The following SLC35F3 variants were observed in gnomAD, a reference collection of about 807,000 sequenced individuals.
SLC35F3 encodes solute carrier family 35 member F3, also known as putative thiamine transporter SLC35F3.
Under a neutral mutation model 49.9 loss-of-function variants are expected in SLC35F3, and 25 were observed. The ratio of observed to expected loss-of-function variants is 0.50; its 90% CI spans 0.37 to 0.70. The LOEUF is 0.70. Ranked by LOEUF, SLC35F3 falls within the 30% of genes least tolerant of loss-of-function variation. The probability of loss-of-function intolerance (pLI) is 0.00; values close to 1 mark genes in which losing one functional copy is unlikely to be tolerated. For missense variants in SLC35F3, 525 were observed against 639.8 expected, an observed-to-expected ratio of 0.82 and a Z score of 1.94; for synonymous variants, 275 against 265.4, an observed-to-expected ratio of 1.04 and a Z score of -0.35.
intron 2 of SLC35F3, among the ~76,000 whole-genome samples, chr1:234,014,267 A>G (rs1379446839): frequency 2.0e-5 from 3 of 152,210 alleles, no homozygotes; most frequent in Admixed American, 1.3e-4. Context: ...ATGCAGAGAA[A>G]GCATTTGACA....
chr1:233,993,025 C>A (rs4285771), intron 2 of SLC35F3, among the ~76,000 whole-genome samples: 2 of 151,990 alleles, frequency 1.3e-5, no homozygotes, highest in Non-Finnish European at 2.9e-5. Context: ...TTGAAATGCC[C>A]GTGCCTTGCC....
At chr1:233,938,697 GATGA>G (rs1220081663) in intron 2 of SLC35F3, among the ~76,000 whole-genome samples, 10 of 108,782 alleles carry the variant, frequency 9.2e-5, no homozygotes, top group South Asian at 9.1e-4. Flanking sequence ...TGGATGGATG[GATGA>G]ATGGATGGAT....
chr1:233,999,340 A>T (rs572459071), intron 2 of SLC35F3, among the ~76,000 whole-genome samples: 1 of 150,222 alleles, frequency 6.7e-6, no homozygotes, highest in South Asian at 2.1e-4. Context: ...CCTTGTGTCC[A>T]TTGTCTCTCC....
chr1:234,033,307 G>T (rs191882735), intron 2 of SLC35F3, among the ~76,000 whole-genome samples: 1 of 152,164 alleles, frequency 6.6e-6, no homozygotes, highest in South Asian at 2.1e-4. Context: ...TCTGTGGGTT[G>T]TCTGTTTCCT....
intron 3 of SLC35F3, among the ~76,000 whole-genome samples, chr1:234,270,291 G>T (rs1668077674): frequency 6.6e-6 from 1 of 152,146 alleles, no homozygotes. Flanking sequence ...GAGTCATTTT[G>T]CTTCTGCCAG....
At position 234,289,120 on chromosome 1, in the gene SLC35F3, A is replaced by G. The variant is rs368604470; in HGVS notation, c.609-19981A>G. On this transcript the variant is annotated intron_variant, in intron 3 of 7. Coordinates refer to ENST00000366618, the MANE Select transcript of SLC35F3 (RefSeq NM_173508.4). The stretch of plus-strand genomic sequence containing the variant: ...TTGAAAAGTGAATTAATTGATGTCC[A>G]ATGACGTCATGGCATTTGAGCTTCC... Among the ~76,000 whole-genome samples, 18 of 152,302 alleles carry G rather than the reference A, an allele frequency of 1.2e-4. 1 individual carries two copies. The highest frequency in any genetic ancestry group is 4.3e-4 in the African/African-American group (18 of 41,566).
chr1:234,077,591 T>C (rs1046703775), intron 2 of SLC35F3, among the ~76,000 whole-genome samples: 7 of 152,272 alleles, frequency 4.6e-5, no homozygotes, highest in African/African-American at 1.7e-4. Context: ...AGATAAGATT[T>C]GGGTGGGGAC....
At chr1:234,291,761 A>G (rs1016459286) in intron 3 of SLC35F3, among the ~76,000 whole-genome samples, 1 of 152,192 alleles carries the variant, frequency 6.6e-6, no homozygotes, top group African/African-American at 2.4e-5. Flanking sequence ...AGAAGCCACC[A>G]TAATTTGTAT....
rs1657589822 is a variant in SLC35F3 at position 234,320,417 on chromosome 1, GT to G, written c.1237+231del. ...TGTCTGCCAAAAAAAAAGCATTTAG[GT>G]GAAATGTTGCTATTAGTTATATATG... On this transcript the variant is annotated intron_variant, in intron 7 of 7. Transcript: ENST00000366618. The surrounding 1 kb of genome is among the most constrained non-coding windows in gnomAD (Gnocchi z 4.8). 6.6e-6 allele frequency among the ~76,000 whole-genome samples: 1 copy of G among 152,110 alleles called. No homozygotes were observed.
At chr1:233,965,377 T>G (rs1398261026) in intron 2 of SLC35F3, among the ~76,000 whole-genome samples, 2 of 152,230 alleles carry the variant, frequency 1.3e-5, no homozygotes, top group Admixed American at 1.3e-4. Flanking sequence ...CTTTGTCTAA[T>G]TCCTTCCCCT....
intron 2 of SLC35F3, among the ~76,000 whole-genome samples, chr1:234,055,629 C>T (rs539339404): frequency 2.0e-5 from 3 of 152,340 alleles, no homozygotes; most frequent in South Asian, 2.1e-4. Context: ...CCCTGCCCTA[C>T]TTCAGCTCAT....
intron 2 of SLC35F3, among the ~76,000 whole-genome samples, chr1:234,139,240 G>A (rs1665853212): frequency 6.6e-6 from 1 of 152,186 alleles, no homozygotes. Flanking sequence ...TTTATTATTA[G>A]ATGTAGTTGC....
At chr1:234,072,665 C>T (rs1312865033) in intron 2 of SLC35F3, among the ~76,000 whole-genome samples, 1 of 151,878 alleles carries the variant, frequency 6.6e-6, no homozygotes, top group Non-Finnish European at 1.5e-5. Context: ...AACGGTGTTC[C>T]AGGCAGAAAA....
Position 234,214,387 on chromosome 1 carries a change from G to T in SLC35F3, c.284-17030G>T. ...GGACTGAGAGGGGCGAGCCGCTGGT[G>T]CTCCCCGGCGGCAGAGGGCCGCGTC... On this transcript the variant is annotated intron_variant, in intron 2 of 7. Coordinates refer to ENST00000366618, the MANE Select transcript of SLC35F3 (RefSeq NM_173508.4). The surrounding 1 kb of genome is among the most constrained non-coding windows in gnomAD (Gnocchi z 8.0). The T allele has an allele frequency of 1.5e-6, 2 of 1,364,614 alleles. No homozygotes were observed. Among genetic ancestry groups the T allele is most frequent in the East Asian group, 3.1e-5 (1 of 32,208 alleles). The allele number at this position is 1,364,614 out of a possible 1,614,324, so 84.5% of individuals were successfully genotyped here.
chr1:234,118,437 G>T (rs1026511119), intron 2 of SLC35F3, among the ~76,000 whole-genome samples: 1 of 152,188 alleles, frequency 6.6e-6, no homozygotes, highest in African/African-American at 2.4e-5. Context: ...AACTTTGGCT[G>T]GAAGTTCAAC....
intron 2 of SLC35F3, among the ~76,000 whole-genome samples, chr1:233,986,135 T>A (rs997661600): frequency 6.6e-6 from 1 of 152,226 alleles, no homozygotes. Context: ...GTAGAGTGCT[T>A]CAAACACAAT....
chr1:233,984,378 G>A (rs4282883), intron 2 of SLC35F3, among the ~76,000 whole-genome samples: 34,998 of 152,130 alleles, frequency 0.23, 4,677 homozygotes, highest in East Asian at 0.49. Flanking sequence ...TTTGCAAAGC[G>A]CCAAGCAAGG....
chr1:234,235,950 G>A (rs567373822), intron 3 of SLC35F3, among the ~76,000 whole-genome samples: 14 of 152,126 alleles, frequency 9.2e-5, no homozygotes, highest in Non-Finnish European at 1.9e-4. Context: ...GTTGCAAACC[G>A]GAGCTTTGTT....
intron 2 of SLC35F3, among the ~76,000 whole-genome samples, chr1:234,117,487 G>T (rs1281175681): frequency 2.0e-5 from 3 of 152,052 alleles, no homozygotes; most frequent in African/African-American, 7.2e-5. Context: ...AGCTACTTGG[G>T]AGGCTGAGGC....
Sources: gnomAD v4.1 joint callset for allele counts (sites outside exome capture counted in the v4.1 genomes callset) on GRCh38, gnomAD v4.1.1 for gene constraint, Gnocchi (gnomAD v3.1) non-coding constraint, MANE v1.5 for transcripts, NCBI Gene and HGNC (gene_info 2026-07-23, HGNC 2026-07-21) for gene names.